The following ZBTB43 variants were observed in gnomAD, a reference collection of about 807,000 sequenced individuals.
ZBTB43 encodes the protein zinc finger and BTB domain containing 43.
In ZBTB43, 6 loss-of-function variants were observed where a neutral mutation model predicts 31.1. The ratio of observed to expected loss-of-function variants is 0.19; its 90% CI spans 0.11 to 0.38. The LOEUF (loss-of-function observed/expected upper bound fraction) is 0.38. Among genes scored for constraint, ZBTB43 ranks in the 10% least tolerant of loss-of-function variants. The pLI, the probability that ZBTB43 is intolerant of heterozygous loss-of-function variation, is 1.00. For synonymous variants in ZBTB43, 212 were observed against 221.7 expected (o/e 0.96, Z 0.39); for missense variants, 379 against 602.1 (o/e 0.63, Z 3.88).
intron 2 of ZBTB43, among the ~76,000 whole-genome samples, chr9:126,821,215 A>G (rs1396886721): frequency 1.3e-5 from 2 of 151,952 alleles, no homozygotes; most frequent in Non-Finnish European, 2.9e-5. Flanking sequence ...CTAAAAATAT[A>G]TATAAAAATT....
rs1489592712 is a variant in ZBTB43 at position 126,832,929 on chromosome 9, C to T, written c.420C>T (p.His140=). ...LCQKLNHGSD[H]QSPSSSSYNG... ...AGAAGCTAAATCATGGCAGTGACCACCAGTCACCAAGCAGCAGTAGTTATA... is the reference window on the plus strand; with the variant it reads ...AGAAGCTAAATCATGGCAGTGACCATCAGTCACCAAGCAGCAGTAGTTATA... The change falls in exon 3 of 3, where the codon CAC becomes CAT. Residue 140 remains histidine (H), a synonymous_variant. Transcript: ENST00000373464. 2 of 1,613,740 alleles carry T rather than the reference C, an allele frequency of 1.2e-6. No homozygotes were observed. Among genetic ancestry groups the T allele is most frequent in the African/African-American group, 2.7e-5 (2 of 74,896 alleles).
chr9:126,820,967 C>A (rs1273041565), intron 2 of ZBTB43, among the ~76,000 whole-genome samples: 1,572 of 82,798 alleles, frequency 0.019, no homozygotes, highest in African/African-American at 0.03. Context: ...ACCCCCATCT[C>A]AAAAAAAAAA....
At position 126,832,494 on chromosome 9, in the gene ZBTB43, C is replaced by A. The variant is rs1373489258; in HGVS notation, c.-16C>A. On this transcript the variant is annotated 5_prime_UTR_variant, in exon 3 of 3. Transcript: ENST00000373464. Reference sequence around the variant, plus strand: ...TTTTTCTTTCTCTTGTAGCACCGAACAAGATTTGTGATGAAATGGAGCCTG... The same window carrying A: ...TTTTTCTTTCTCTTGTAGCACCGAAAAAGATTTGTGATGAAATGGAGCCTG... 6.3e-7 allele frequency: 1 copy of A among 1,592,504 alleles called. No homozygotes were observed. The highest frequency in any genetic ancestry group is 8.6e-7 in the Non-Finnish European group (1 of 1,166,616).
intron 1 of ZBTB43, among the ~76,000 whole-genome samples, chr9:126,805,478 TGAC>T (rs1190619318): frequency 6.6e-6 from 1 of 152,178 alleles, no homozygotes; most frequent in African/African-American, 2.4e-5. Context: ...GGGCGCGGCT[TGAC>T]GACCTCGGGT....
rs1026537193 is a variant in ZBTB43, at chr9:126,833,088, A to G, written c.579A>G (p.Glu193=). 4 of 1,613,984 alleles carry G rather than the reference A, an allele frequency of 2.5e-6. No homozygotes were observed. In the African/African-American group the frequency reaches 5.3e-5, roughly 22 times the overall value. ...TGTCATCCCAGCTCACCGAGCACGAATACCTGCCCAGCAACTCGTCCACAG... is the reference window on the plus strand; with the variant it reads ...TGTCATCCCAGCTCACCGAGCACGAGTACCTGCCCAGCAACTCGTCCACAG... ...DELSSQLTEH[E]YLPSNSSTEH... Residue 193 remains glutamate (E), a synonymous_variant, in exon 3 of 3, where the codon GAA becomes GAG. Transcript: ENST00000373464. This position sits in a 1 kb window ranked among gnomAD's most constrained non-coding sequence, Gnocchi z 7.9.
chr9:126,829,942 A>G (rs760367937), intron 2 of ZBTB43, among the ~76,000 whole-genome samples: 2 of 152,228 alleles, frequency 1.3e-5, no homozygotes, highest in African/African-American at 2.4e-5. Flanking sequence ...TTAAATTACT[A>G]TGAAATGTTT....
chr9:126,817,231 C>G (rs1304384916), intron 2 of ZBTB43, among the ~76,000 whole-genome samples: 1 of 149,492 alleles, frequency 6.7e-6, no homozygotes, highest in Non-Finnish European at 1.5e-5. Context: ...CCCTCTTCAG[C>G]CTTCTGAGTA....
At chr9:126,830,948 T>G (rs1371256262) in intron 2 of ZBTB43, among the ~76,000 whole-genome samples, 1 of 152,218 alleles carries the variant, frequency 6.6e-6, no homozygotes, top group African/African-American at 2.4e-5. Context: ...TAGCAGGGAC[T>G]TACTATCCTC....
chr9:126,833,878 G>A lies in ZBTB43; in HGVS notation c.1369G>A (p.Ala457Thr), dbSNP rs2032825147. The change falls in exon 3 of 3, where the codon GCA (alanine) becomes ACA (threonine). Residue 457 changes from alanine (A) to threonine (T), a missense_variant. Physicochemically the swap from Ala to Thr is moderately conservative, Grantham distance 58. Coordinates refer to ENST00000373464, the MANE Select transcript of ZBTB43 (RefSeq NM_014007.4). The surrounding 1 kb of genome is among the most constrained non-coding windows in gnomAD (Gnocchi z 7.9). ...TTCTTGTACTAAGTCCTACGAAGCT[G>A]CAAAGGCTGAGCAGAATACAACTGA... ...VTSCTKSYEAAKAEQNTTEAN is the reference protein window; with the variant it reads ...VTSCTKSYEATKAEQNTTEAN 1 of 1,591,164 alleles carries A rather than the reference G, an allele frequency of 6.3e-7. No individual in the cohort carries two copies. Among genetic ancestry groups the A allele is most frequent in the Non-Finnish European group, 8.6e-7 (1 of 1,160,932 alleles).
rs532751869 is a variant in ZBTB43 at position 126,832,096 on chromosome 9, C to T, written c.-23-391C>T. 12 of 170,762 alleles carry T rather than the reference C, an allele frequency of 7.0e-5. No homozygotes were observed. The South Asian group carries it at 1.7e-3, about 24-fold the overall frequency. The allele number at this position is 170,762 out of a possible 1,614,324, so 10.6% of individuals were successfully genotyped here. A position where few individuals can be genotyped will look rare whatever the true frequency, so the allele number is the denominator to read the frequency against. On this transcript the variant is annotated intron_variant, in intron 2 of 2. Coordinates refer to ENST00000373464, the MANE Select transcript of ZBTB43 (RefSeq NM_014007.4). Reference sequence around the variant, plus strand: ...GAACTATGATTGTGCCACTGCACTCCAGCCTGGGCAACAGAGCAAGACCCC... The same window carrying T: ...GAACTATGATTGTGCCACTGCACTCTAGCCTGGGCAACAGAGCAAGACCCC...
rs752815557 is a variant in ZBTB43, at chr9:126,837,151, T to A, written c.*3238T>A. On this transcript the variant is annotated 3_prime_UTR_variant, in exon 3 of 3. Transcript: ENST00000373464. The stretch of plus-strand genomic sequence containing the variant: ...CTTATGCCATGCTTTTACCTTTAGA[T>A]ACACACGTTACAGTAATCCACGTGG... 3.6e-5 allele frequency: 6 copies of A among 166,966 alleles called. No homozygotes were observed. Among genetic ancestry groups the A allele is most frequent in the Admixed American group, 2.6e-4 (4 of 15,274 alleles). 10.3% of individuals were successfully genotyped at this position (166,966 alleles called of 1,614,324 possible).
intron 2 of ZBTB43, among the ~76,000 whole-genome samples, chr9:126,821,122 A>G (rs1445167662): frequency 6.6e-6 from 1 of 152,154 alleles, no homozygotes; most frequent in African/African-American, 2.4e-5. Flanking sequence ...AACTCCCAGC[A>G]CTTTGGGAGG....
chr9:126,821,378 AAAAAAAAG>A (rs931965321), intron 2 of ZBTB43, among the ~76,000 whole-genome samples: 89 of 152,010 alleles, frequency 5.9e-4, no homozygotes, highest in African/African-American at 2.0e-3. Flanking sequence ...TCTGTCTTTA[AAAAAAAAG>A]AAAAAAAGAA....
intron 2 of ZBTB43, among the ~76,000 whole-genome samples, chr9:126,822,359 C>G (rs2032532017): frequency 6.6e-6 from 1 of 152,084 alleles, no homozygotes; most frequent in Admixed American, 6.6e-5. Context: ...GTTCTGTGGG[C>G]AAAATGTTAT....
rs1208522475 is a variant in ZBTB43, at chr9:126,810,520, G to A, written c.-24+1605G>A. Among the ~76,000 whole-genome samples, 3 of 13,840 alleles carry A rather than the reference G, an allele frequency of 2.2e-4. No homozygotes were observed. The East Asian group carries it at 4.2e-3, about 19-fold the overall frequency. The allele number at this position is 13,840 out of a possible 152,430, so 9.1% of individuals were successfully genotyped here. On this transcript the variant is annotated intron_variant, in intron 2 of 2. Transcript: ENST00000373464. Reference sequence around the variant, plus strand: ...CTTTTTTTTTTTTTTTTTTTTTTTTGAGATGGGGTCTCGCTCTGTCACACA... The same window carrying A: ...CTTTTTTTTTTTTTTTTTTTTTTTTAAGATGGGGTCTCGCTCTGTCACACA...
chr9:126,825,338 G>A (rs1280525405), intron 2 of ZBTB43, among the ~76,000 whole-genome samples: 1 of 151,838 alleles, frequency 6.6e-6, no homozygotes, highest in Non-Finnish European at 1.5e-5. Context: ...GCCTGCTCAA[G>A]CATGCCATTG....
chr9:126,809,568 G>C (rs1438177709), intron 2 of ZBTB43, among the ~76,000 whole-genome samples: 1 of 152,104 alleles, frequency 6.6e-6, no homozygotes, highest in Non-Finnish European at 1.5e-5. Context: ...ATGTTTAATA[G>C]GTGTTTAAAT....
chr9:126,813,405 G>A (rs904636441), intron 2 of ZBTB43, among the ~76,000 whole-genome samples: 5 of 152,122 alleles, frequency 3.3e-5, no homozygotes, highest in Admixed American at 6.6e-5. Flanking sequence ...CTCACAGCAC[G>A]TCACTTAGAA....
At chr9:126,825,462 T>G (rs1420363876) in intron 2 of ZBTB43, among the ~76,000 whole-genome samples, 1 of 152,230 alleles carries the variant, frequency 6.6e-6, no homozygotes, top group East Asian at 1.9e-4. Flanking sequence ...CTCACAGTTC[T>G]GGAAGTGGGC....
Sources: gnomAD v4.1 joint callset for allele counts (sites outside exome capture counted in the v4.1 genomes callset) on GRCh38, gnomAD v4.1.1 for gene constraint, Gnocchi (gnomAD v3.1) non-coding constraint, MANE v1.5 for transcripts, NCBI Gene and HGNC (gene_info 2026-07-23, HGNC 2026-07-21) for gene names.